Variants in ZKSCAN1 observed in about 807,000 individuals in gnomAD.
ZKSCAN1 encodes the protein zinc finger with KRAB and SCAN domains 1, also known as zinc finger protein with KRAB and SCAN domains 1.
Under a neutral mutation model 51.6 loss-of-function variants are expected in ZKSCAN1, and 14 were observed. That is an observed-to-expected ratio of 0.27 (90% CI 0.18 to 0.42). The LOEUF is 0.42. Among genes scored for constraint, ZKSCAN1 ranks in the 10% least tolerant of loss-of-function variants. ZKSCAN1 has a pLI of 1.00. For synonymous variants in ZKSCAN1, 263 were observed against 261.5 expected, an observed-to-expected ratio of 1.01 and a Z score of -0.06; for missense variants, 531 against 710.0, an observed-to-expected ratio of 0.75 and a Z score of 2.86.
chr7:100,020,223 CG>C (rs1448058264), intron 1 of ZKSCAN1, among the ~76,000 whole-genome samples: 3 of 151,996 alleles, frequency 2.0e-5, no homozygotes, highest in Non-Finnish European at 4.4e-5. Context: ...GAGAGGACTG[CG>C]GGGGGAAGTC....
downstream of ZKSCAN1, among the ~76,000 whole-genome samples, chr7:100,042,754 G>GTGTGTGTA (rs1674597542): frequency 6.7e-6 from 1 of 149,120 alleles, no homozygotes; most frequent in African/African-American, 2.5e-5. Flanking sequence ...GTGTGTGTGT[G>GTGTGTGTA]TGTGTGTATA....
chr7:100,025,449 A>G (rs1340082114), intron 3 of ZKSCAN1, among the ~76,000 whole-genome samples: 1 of 152,204 alleles, frequency 6.6e-6, no homozygotes, highest in Non-Finnish European at 1.5e-5. Context: ...TCACAGTCAT[A>G]TAAATAAAAA....
intron 1 of ZKSCAN1, among the ~76,000 whole-genome samples, chr7:100,016,427 T>C (rs1464706289): frequency 1.1e-4 from 17 of 152,150 alleles, no homozygotes; most frequent in Admixed American, 1.1e-3. Flanking sequence ...GTTGCTCTGT[T>C]TGACATGGAG....
Position 100,038,692 on chromosome 7 carries a change from A to C in ZKSCAN1, c.*4495A>C. The C allele has an allele frequency of 1.0e-6, 1 of 985,418 alleles. No homozygotes were observed. Among genetic ancestry groups the C allele is most frequent in the Non-Finnish European group, 1.2e-6 (1 of 829,962 alleles). 61.0% of individuals were successfully genotyped at this position (985,418 alleles called of 1,614,324 possible). ...CTTTCCCACTAACTCTTAAATCCTT[A>C]TGCTTAGAAAATTGAGGATAAGGCT... On this transcript the variant is annotated 3_prime_UTR_variant, in exon 6 of 6. Transcript: ENST00000324306.
downstream of ZKSCAN1, chr7:100,044,816 CAT>C: frequency 2.0e-6 from 2 of 985,184 alleles, no homozygotes; most frequent in Non-Finnish European, 2.4e-6. Context: ...ACATGCTGCA[CAT>C]GTCTTCTGCT....
intron 1 of ZKSCAN1, among the ~76,000 whole-genome samples, chr7:100,022,142 C>T (rs1020159797): frequency 1.3e-5 from 2 of 152,196 alleles, no homozygotes; most frequent in African/African-American, 4.8e-5. Context: ...GCAACCTCCG[C>T]CTCCTGGGTT....
rs577046323 is a variant in ZKSCAN1, at chr7:100,039,917, T to C, written c.*5720T>C. On this transcript the variant is annotated 3_prime_UTR_variant, in exon 6 of 6. Coordinates refer to ENST00000324306, the MANE Select transcript of ZKSCAN1 (RefSeq NM_003439.4). ...TTTCATAGAAATTAGGGTAGATTTTTATTTCAACTACTACTGGAGAATTTA... is the reference window on the plus strand; with the variant it reads ...TTTCATAGAAATTAGGGTAGATTTTCATTTCAACTACTACTGGAGAATTTA... 6.9e-4 allele frequency: 675 copies of C among 980,370 alleles called. 4 individuals are homozygous for C. The highest frequency in any genetic ancestry group is 6.3e-3 in the Middle Eastern group (12 of 1,904). The allele number at this position is 980,370 out of a possible 1,614,324, so 60.7% of individuals were successfully genotyped here.
intron 4 of ZKSCAN1, 50 bp downstream of exon 4, chr7:100,030,002 TC>T (rs751942183): frequency 1.3e-6 from 2 of 1,593,880 alleles, no homozygotes. Flanking sequence ...CTGCCTCTGT[TC>T]CTGAGCTCTC....
chr7:100,044,078 A>G (rs1395844332), downstream of ZKSCAN1, among the ~76,000 whole-genome samples: 1 of 151,984 alleles, frequency 6.6e-6, no homozygotes, highest in East Asian at 1.9e-4. Flanking sequence ...CTCCCAGCCC[A>G]TATCTAATTA....
Position 100,035,898 on chromosome 7 carries a change from T to TC in ZKSCAN1, c.*1703dup. Reference sequence around the variant, plus strand: ...CATCGCCACTCAAGTAGGACAAGGGTCCTACCCAAGGCTAGGACCGCCCTG... The same window carrying TC: ...CATCGCCACTCAAGTAGGACAAGGGTCCCTACCCAAGGCTAGGACCGCCCTG... On this transcript the variant is annotated 3_prime_UTR_variant, in exon 6 of 6. Transcript: ENST00000324306. 1 of 985,180 alleles carries TC rather than the reference T, an allele frequency of 1.0e-6. No homozygotes were observed. Among genetic ancestry groups the TC allele is most frequent in the Non-Finnish European group, 1.2e-6 (1 of 829,896 alleles). 61.0% of individuals were successfully genotyped at this position (985,180 alleles called of 1,614,324 possible).
At chr7:100,017,218 T>A (rs1584323419) in intron 1 of ZKSCAN1, among the ~76,000 whole-genome samples, 5 of 151,070 alleles carry the variant, frequency 3.3e-5, no homozygotes, top group Admixed American at 6.6e-5. Flanking sequence ...GCAATTTATT[T>A]AAAAAAAAAT....
downstream of ZKSCAN1, among the ~76,000 whole-genome samples, chr7:100,044,276 T>C (rs1319358159): frequency 6.6e-6 from 1 of 152,154 alleles, no homozygotes; most frequent in Non-Finnish European, 1.5e-5. Context: ...TGTTCAGAGC[T>C]GAGCCCAATC....
At chr7:100,016,996 C>G (rs1041337481) in intron 1 of ZKSCAN1, 3 of 152,168 alleles carry the variant, frequency 2.0e-5, no homozygotes, top group South Asian at 2.1e-4. Context: ...TTTCACCACT[C>G]TTAAAATACA....
chr7:100,034,387 C>G lies in ZKSCAN1; in HGVS notation c.*190C>G. 1 of 1,328,888 alleles carries G rather than the reference C, an allele frequency of 7.5e-7. No individual in the cohort carries two copies. Among genetic ancestry groups the G allele is most frequent in the East Asian group, 2.8e-5 (1 of 35,888 alleles). The allele number at this position is 1,328,888 out of a possible 1,614,324, so 82.3% of individuals were successfully genotyped here. A position where few individuals can be genotyped will look rare whatever the true frequency, so the allele number is the denominator to read the frequency against. On this transcript the variant is annotated 3_prime_UTR_variant, in exon 6 of 6. Coordinates refer to ENST00000324306, the MANE Select transcript of ZKSCAN1 (RefSeq NM_003439.4). ...TAGTTGGGCATATAATCCTTCCACA[C>G]AGCCCCTGCAGGGAAAGGCTAATCT...
At chr7:100,030,837 T>C (rs1206361683) in intron 5 of ZKSCAN1, among the ~76,000 whole-genome samples, 1 of 152,228 alleles carries the variant, frequency 6.6e-6, no homozygotes, top group African/African-American at 2.4e-5. Flanking sequence ...TCTTCTTCCA[T>C]CCTGTGTGAT....
chr7:100,037,552 A>G lies in ZKSCAN1; in HGVS notation c.*3355A>G. On this transcript the variant is annotated 3_prime_UTR_variant, in exon 6 of 6. Coordinates refer to ENST00000324306, the MANE Select transcript of ZKSCAN1 (RefSeq NM_003439.4). ...CCTCCTGAATGTGATGAATACGGCAAAGCCTTTAATCACATCTCAGCCCTT... is the reference window on the plus strand; with the variant it reads ...CCTCCTGAATGTGATGAATACGGCAGAGCCTTTAATCACATCTCAGCCCTT... 1 of 985,478 alleles carries G rather than the reference A, an allele frequency of 1.0e-6. No homozygotes were observed. Among genetic ancestry groups the G allele is most frequent in the Non-Finnish European group, 1.2e-6 (1 of 829,936 alleles). 61.0% of individuals were successfully genotyped at this position (985,478 alleles called of 1,614,324 possible).
Position 100,036,756 on chromosome 7 carries a change from G to A in ZKSCAN1, c.*2559G>A, listed in dbSNP as rs1229359998. 5 of 983,654 alleles carry A rather than the reference G, an allele frequency of 5.1e-6. No individual in the cohort carries two copies. The highest frequency in any genetic ancestry group is 1.8e-5 in the African/African-American group (1 of 57,002). 60.9% of individuals were successfully genotyped at this position (983,654 alleles called of 1,614,324 possible). A position where few individuals can be genotyped will look rare whatever the true frequency, so the allele number is the denominator to read the frequency against. Reference sequence around the variant, plus strand: ...AAAGAAAGAAACTGAAAAGTGAGGTGTGGAACTCCAGGCAACGACCCAAGC... The same window carrying A: ...AAAGAAAGAAACTGAAAAGTGAGGTATGGAACTCCAGGCAACGACCCAAGC... On this transcript the variant is annotated 3_prime_UTR_variant, in exon 6 of 6. Transcript: ENST00000324306.
chr7:100,038,700 A>G lies in ZKSCAN1; in HGVS notation c.*4503A>G. On this transcript the variant is annotated 3_prime_UTR_variant, in exon 6 of 6. Coordinates refer to ENST00000324306, the MANE Select transcript of ZKSCAN1 (RefSeq NM_003439.4). ...CTAACTCTTAAATCCTTATGCTTAG[A>G]AAATTGAGGATAAGGCTGGGCACAG... The G allele has an allele frequency of 1.0e-6, 1 of 985,414 alleles. No individual in the cohort carries two copies. The highest frequency in any genetic ancestry group is 1.2e-6 in the Non-Finnish European group (1 of 829,950). 61.0% of individuals were successfully genotyped at this position (985,414 alleles called of 1,614,324 possible).
At chr7:100,024,032 C>G in intron 2 of ZKSCAN1, 100 bp downstream of exon 2, 1 of 1,520,760 alleles carries the variant, frequency 6.6e-7, no homozygotes, top group Non-Finnish European at 8.8e-7. Flanking sequence ...GGTGGTTACT[C>G]TGTCTTAAAA....
Sources: gnomAD v4.1 joint callset for allele counts (sites outside exome capture counted in the v4.1 genomes callset) on GRCh38, gnomAD v4.1.1 for gene constraint, MANE v1.5 for transcripts, NCBI Gene and HGNC (gene_info 2026-07-23, HGNC 2026-07-21) for gene names.